MAF: variants seen among roughly 807,000 people sequenced by gnomAD.
The protein encoded by MAF is transcription factor Maf.
A neutral mutation model predicts 22.0 loss-of-function variants in MAF; 10 were observed. The observed-to-expected ratio is 0.45, with a 90% CI of 0.28 to 0.77. The LOEUF (loss-of-function observed/expected upper bound fraction) is 0.77. MAF is among the 30% of genes least tolerant of loss of function. The pLI, the probability that MAF is intolerant of heterozygous loss-of-function variation, is 0.12. For missense variants in MAF, 544 were observed against 548.4 expected (o/e 0.99, Z 0.08); for synonymous variants, 337 against 255.8 (o/e 1.32, Z -3.03).
chr16:79,243,149 G>A, the MAF span, among the ~76,000 whole-genome samples: 3 of 151,822 alleles, frequency 2.0e-5, no homozygotes, highest in African/African-American at 7.3e-5. Context: ...AACTAGAGAA[G>A]CAAGAGCAAA....
chr16:79,491,777 T>C, the MAF span, among the ~76,000 whole-genome samples: 17,513 of 152,246 alleles, frequency 0.12, 1,200 homozygotes, highest in South Asian at 0.27. Context: ...CCTATGAGCC[T>C]TGGGATAGCA....
the MAF span, among the ~76,000 whole-genome samples, chr16:79,207,588 T>G: frequency 6.6e-6 from 1 of 152,242 alleles, no homozygotes; most frequent in Non-Finnish European, 1.5e-5. Context: ...ATTGAATATA[T>G]AGATATGCCA....
the MAF span, among the ~76,000 whole-genome samples, chr16:79,207,629 T>C: frequency 6.6e-6 from 1 of 152,220 alleles, no homozygotes; most frequent in Non-Finnish European, 1.5e-5. Flanking sequence ...ATATATCTCA[T>C]AGTTAAGTCT....
At chr16:79,327,941 G>A in the MAF span, among the ~76,000 whole-genome samples, 3 of 152,150 alleles carry the variant, frequency 2.0e-5, no homozygotes, top group African/African-American at 7.2e-5. Context: ...CCAGACTTAC[G>A]TGCAAACCTT....
chr16:79,400,061 C>G, the MAF span, among the ~76,000 whole-genome samples: 1 of 152,120 alleles, frequency 6.6e-6, no homozygotes, highest in Non-Finnish European at 1.5e-5. Context: ...TATTTTGCCT[C>G]CAGGGGAGAG....
At chr16:79,222,969 A>G in the MAF span, among the ~76,000 whole-genome samples, 1 of 152,206 alleles carries the variant, frequency 6.6e-6, no homozygotes, top group Non-Finnish European at 1.5e-5. Flanking sequence ...ACGAGACAGA[A>G]AATTAACAAG....
the MAF span, among the ~76,000 whole-genome samples, chr16:79,534,044 T>A: frequency 2.0e-5 from 3 of 152,166 alleles, no homozygotes; most frequent in African/African-American, 7.2e-5. Context: ...ACAAGAGCCC[T>A]TTGACTCTGC....
chr16:79,213,585 G>A, the MAF span, among the ~76,000 whole-genome samples: 26 of 152,306 alleles, frequency 1.7e-4, 1 homozygote, highest in East Asian at 4.8e-3. Flanking sequence ...GCCTTTCCTT[G>A]TTGATCTTTG....
chr16:79,570,467 G>C, the MAF span, among the ~76,000 whole-genome samples: 1 of 152,062 alleles, frequency 6.6e-6, no homozygotes, highest in East Asian at 1.9e-4. Flanking sequence ...CATTTTCCAA[G>C]ATCTTTCTTT....
At chr16:79,265,859 A>G in the MAF span, among the ~76,000 whole-genome samples, 2 of 152,222 alleles carry the variant, frequency 1.3e-5, no homozygotes, top group African/African-American at 4.8e-5. Flanking sequence ...GGGTTACTTG[A>G]ACATGAGCAC....
At chr16:79,478,706 C>T in the MAF span, among the ~76,000 whole-genome samples, 3 of 152,138 alleles carry the variant, frequency 2.0e-5, no homozygotes, top group African/African-American at 7.2e-5. Context: ...TCCCAGGGTT[C>T]ATTCTAGTGC....
At chr16:79,276,698 G>C in the MAF span, among the ~76,000 whole-genome samples, 1 of 152,190 alleles carries the variant, frequency 6.6e-6, no homozygotes, top group African/African-American at 2.4e-5. Context: ...TCATGGTGGT[G>C]ATGGTGATGA....
chr16:79,399,536 C>T, the MAF span, among the ~76,000 whole-genome samples: 1 of 152,120 alleles, frequency 6.6e-6, no homozygotes, highest in Non-Finnish European at 1.5e-5. Context: ...AAAACTGACA[C>T]CAATTCCTTG....
chr16:79,506,028 G>A, the MAF span, among the ~76,000 whole-genome samples: 1 of 151,390 alleles, frequency 6.6e-6, no homozygotes, highest in Non-Finnish European at 1.5e-5. Flanking sequence ...AGGAGGAAAA[G>A]AAGAGGGAGG....
the MAF span, among the ~76,000 whole-genome samples, chr16:79,482,024 G>C: frequency 1.3e-5 from 2 of 152,298 alleles, no homozygotes; most frequent in African/African-American, 4.8e-5. Flanking sequence ...AAAAACTGCT[G>C]GGTCATGGGA....
chr16:79,524,060 A>G, the MAF span, among the ~76,000 whole-genome samples: 9 of 152,284 alleles, frequency 5.9e-5, no homozygotes, highest in South Asian at 1.9e-3. Flanking sequence ...CCAGATACTC[A>G]AGCTTACTCA....
chr16:79,210,285 T>C, the MAF span, among the ~76,000 whole-genome samples: 1 of 152,194 alleles, frequency 6.6e-6, no homozygotes, highest in African/African-American at 2.4e-5. Context: ...GGCAGATTCT[T>C]CACGTCGTAA....
At chr16:79,446,273 G>T in the MAF span, among the ~76,000 whole-genome samples, 1 of 152,148 alleles carries the variant, frequency 6.6e-6, no homozygotes, top group Non-Finnish European at 1.5e-5. Flanking sequence ...TGGGTTCTAA[G>T]ATCAGTACCA....
At chr16:79,469,797 G>C in the MAF span, among the ~76,000 whole-genome samples, 1 of 151,902 alleles carries the variant, frequency 6.6e-6, no homozygotes, top group East Asian at 1.9e-4. Flanking sequence ...GGGTTTCACA[G>C]TGTTGGTCAG....
Sources: gnomAD v4.1 joint callset for allele counts (sites outside exome capture counted in the v4.1 genomes callset) on GRCh38, gnomAD v4.1.1 for gene constraint, MANE v1.5 for transcripts, NCBI Gene and HGNC (gene_info 2026-07-23, HGNC 2026-07-21) for gene names.